Variants in CDKN2B observed in about 807,000 individuals in gnomAD.
CDKN2B encodes cyclin dependent kinase inhibitor 2B, also known as cyclin-dependent kinase 4 inhibitor B.
Under a neutral mutation model 7.7 loss-of-function variants are expected in CDKN2B, and 8 were observed. That is an observed-to-expected ratio of 1.04 (90% CI 0.61 to 1.87). CDKN2B has a LOEUF of 1.87. Among genes scored for constraint, CDKN2B ranks in the 40% most tolerant of loss-of-function variants. CDKN2B has a pLI of 0.00. For synonymous variants in CDKN2B, 93 were observed against 95.8 expected, an observed-to-expected ratio of 0.97 and a Z score of 0.17; for missense variants, 244 against 213.1, an observed-to-expected ratio of 1.15 and a Z score of -0.90.
rs1216273103 is a variant in CDKN2B, at chr9:22,004,230, A to G, written c.*1757T>C. ...CCCCAGTAATATGTTCATTTTGGGA[A>G]TAGGAATTGGTAGAGAAGTAAAGAT... On this transcript the variant is annotated 3_prime_UTR_variant, in exon 2 of 2. Transcript: ENST00000276925. 8.6e-6 allele frequency: 2 copies of G among 232,446 alleles called. No individual in the cohort carries two copies. Among genetic ancestry groups the G allele is most frequent in the Non-Finnish European group, 1.7e-5 (2 of 117,658 alleles). 14.4% of individuals were successfully genotyped at this position (232,446 alleles called of 1,614,324 possible).
At chr9:22,008,381 T>A (rs1213974755) in intron 1 of CDKN2B, among the ~76,000 whole-genome samples, 1 of 152,234 alleles carries the variant, frequency 6.6e-6, no homozygotes, top group Admixed American at 6.5e-5. Context: ...CTTAGAAGTT[T>A]ACATTGATTT....
rs1821350674 is a variant in CDKN2B at position 22,009,018 on chromosome 9, C to T, written c.-65G>A. ...CGTTGGCCGTAAACTTAACGACACT[C>T]TTCCCTTCTTTCCCACGCTGCTCCG... On this transcript the variant is annotated 5_prime_UTR_variant, in exon 1 of 2. Transcript: ENST00000276925. 4 of 1,607,240 alleles carry T rather than the reference C, an allele frequency of 2.5e-6. No individual in the cohort carries two copies. Among genetic ancestry groups the T allele is most frequent in the Non-Finnish European group, 3.4e-6 (4 of 1,174,400 alleles).
rs1325070620 is a variant in CDKN2B at position 22,008,911 on chromosome 9, C to A, written c.43G>T (p.Asp15Tyr). Residue 15 changes from aspartate (D) to tyrosine (Y), a missense_variant, in exon 1 of 2, where the codon GAT becomes TAT. Coordinates refer to ENST00000276925, the MANE Select transcript of CDKN2B (RefSeq NM_004936.4). ...GCCGCGGCGCTGGCCAGACCCTCATCGCTGCCGCCCCCACTGGGCATGCCC... is the reference window on the plus strand; with the variant it reads ...GCCGCGGCGCTGGCCAGACCCTCATAGCTGCCGCCCCCACTGGGCATGCCC... The part of the protein sequence containing the change: ...NKGMPSGGGS[D>Y]EGLASAAARG... 3.1e-6 allele frequency: 5 copies of A among 1,612,850 alleles called. No homozygotes were observed. The highest frequency in any genetic ancestry group is 3.4e-6 in the Non-Finnish European group (4 of 1,179,916).
rs768552154 is a variant in CDKN2B at position 22,008,990 on chromosome 9, C to G, written c.-37G>C. 5 of 1,613,456 alleles carry G rather than the reference C, an allele frequency of 3.1e-6. No individual in the cohort carries two copies. Among genetic ancestry groups the G allele is most frequent in the Non-Finnish European group, 4.2e-6 (5 of 1,179,924 alleles). On this transcript the variant is annotated 5_prime_UTR_variant, in exon 1 of 2. Transcript: ENST00000276925. ...CAGACGCGCAGCGGCCCGGATAATCCACCGTTGGCCGTAAACTTAACGACA... is the reference window on the plus strand; with the variant it reads ...CAGACGCGCAGCGGCCCGGATAATCGACCGTTGGCCGTAAACTTAACGACA...
intron 1 of CDKN2B, among the ~76,000 whole-genome samples, chr9:22,008,346 C>A (rs1821296814): frequency 1.3e-5 from 2 of 152,136 alleles, no homozygotes; most frequent in African/African-American, 4.8e-5. Context: ...TATGAGAAAA[C>A]AATACAACAG....
intron 1 of CDKN2B, among the ~76,000 whole-genome samples, chr9:22,007,568 G>C (rs887470330): frequency 6.6e-6 from 1 of 152,038 alleles, no homozygotes; most frequent in African/African-American, 2.4e-5. Flanking sequence ...CGAGTTATTT[G>C]TTATGGGTTT....
At position 22,009,131 on chromosome 9, in the gene CDKN2B, G is replaced by A. The variant is rs779167538; in HGVS notation, c.-178C>T. ...CGGCTTGGGGCCCCGTGCAGTGGCC[G>A]AGCGGCCGGTCGTTAGCTCCGGGCT... is the stretch of plus-strand genomic sequence containing the variant. On this transcript the variant is annotated 5_prime_UTR_variant, in exon 1 of 2. Coordinates refer to ENST00000276925, the MANE Select transcript of CDKN2B (RefSeq NM_004936.4). The A allele has an allele frequency of 5.1e-5, 43 of 840,668 alleles. No homozygotes were observed. The highest frequency in any genetic ancestry group is 6.2e-5 in the Non-Finnish European group (33 of 529,308). The allele number at this position is 840,668 out of a possible 1,614,324, so 52.1% of individuals were successfully genotyped here.
At chr9:22,008,485 C>G (rs1821305071) in intron 1 of CDKN2B, among the ~76,000 whole-genome samples, 1 of 152,160 alleles carries the variant, frequency 6.6e-6, no homozygotes, top group African/African-American at 2.4e-5. Context: ...AGCAGACAGA[C>G]AAGATAATCT....
chr9:22,005,128 G>GTA lies in CDKN2B; in HGVS notation c.*858_*859insTA. The GTA allele has an allele frequency of 4.3e-6, 1 of 233,160 alleles. No homozygotes were observed. The highest frequency in any genetic ancestry group is 8.5e-6 in the Non-Finnish European group (1 of 118,146). 14.4% of individuals were successfully genotyped at this position (233,160 alleles called of 1,614,324 possible). ...CATCCTAGCATGTGTGTGTGTGTGT[G>GTA]TGTGTGTGTGTGTGAAAGAAAACGT... On this transcript the variant is annotated 3_prime_UTR_variant, in exon 2 of 2. Coordinates refer to ENST00000276925, the MANE Select transcript of CDKN2B (RefSeq NM_004936.4). The surrounding 1 kb of genome is among the most constrained non-coding windows in gnomAD (Gnocchi z 4.9).
chr9:22,008,368 T>C (rs1488142628), intron 1 of CDKN2B, among the ~76,000 whole-genome samples: 1 of 152,354 alleles, frequency 6.6e-6, no homozygotes, highest in Middle Eastern at 3.4e-3. Context: ...TTTCATATAG[T>C]AGCTTAGAAG....
At chr9:22,008,439 T>G (rs1821300985) in intron 1 of CDKN2B, among the ~76,000 whole-genome samples, 1 of 152,220 alleles carries the variant, frequency 6.6e-6, no homozygotes, top group African/African-American at 2.4e-5. Context: ...CAATCTAGAA[T>G]GCGTAACTTA....
At chr9:22,007,853 T>TA (rs1210640418) in intron 1 of CDKN2B, among the ~76,000 whole-genome samples, 3 of 152,170 alleles carry the variant, frequency 2.0e-5, no homozygotes, top group Non-Finnish European at 2.9e-5. Flanking sequence ...TTTGCTCCTT[T>TA]AAAAATCCCT....
At chr9:22,008,540 AG>A in intron 1 of CDKN2B, 1 of 857,700 alleles carries the variant, frequency 1.2e-6, no homozygotes, top group Non-Finnish European at 1.7e-6. Flanking sequence ...TCCCCAATTC[AG>A]TCTATTCCTT....
rs373722871 is a variant in CDKN2B at position 22,008,972 on chromosome 9, G to C, written c.-19C>G. ...CGCGCATTCCGCAGCCCCCAGACGC[G>C]CAGCGGCCCGGATAATCCACCGTTG... On this transcript the variant is annotated 5_prime_UTR_variant, in exon 1 of 2. Coordinates refer to ENST00000276925, the MANE Select transcript of CDKN2B (RefSeq NM_004936.4). 1 of 1,613,160 alleles carries C rather than the reference G, an allele frequency of 6.2e-7. No individual in the cohort carries two copies. Among genetic ancestry groups the C allele is most frequent in the Admixed American group, 1.7e-5 (1 of 60,026 alleles).
Position 22,003,127 on chromosome 9 carries a change from A to G in CDKN2B, c.*2860T>C, listed in dbSNP as rs1028008784. On this transcript the variant is annotated 3_prime_UTR_variant, in exon 2 of 2. Coordinates refer to ENST00000276925, the MANE Select transcript of CDKN2B (RefSeq NM_004936.4). ...AAGTGAAATCCTTAACAAATTTAAC[A>G]GTATATATTAGGCTGCTGATGAAAC... is the stretch of plus-strand genomic sequence containing the variant. 5 of 215,750 alleles carry G rather than the reference A, an allele frequency of 2.3e-5. No individual in the cohort carries two copies. The highest frequency in any genetic ancestry group is 5.8e-5 in the Admixed American group (1 of 17,176). The allele number at this position is 215,750 out of a possible 1,614,324, so 13.4% of individuals were successfully genotyped here. A position where few individuals can be genotyped will look rare whatever the true frequency, so the allele number is the denominator to read the frequency against.
Position 22,003,368 on chromosome 9 carries a change from G to A in CDKN2B, c.*2619C>T, listed in dbSNP as rs1063192. On this transcript the variant is annotated 3_prime_UTR_variant, in exon 2 of 2. Transcript: ENST00000276925. ...TTTTCTTTAGTTTCCCTTAATATCAGGTTGTCATTAGGAAAGATTCCACAA... is the reference window on the plus strand; with the variant it reads ...TTTTCTTTAGTTTCCCTTAATATCAAGTTGTCATTAGGAAAGATTCCACAA... 0.69 allele frequency: 154,422 copies of A among 223,992 alleles called. 55,584 individuals are homozygous for A. The highest frequency in any genetic ancestry group is 0.92 in the African/African-American group (41,612 of 45,006). The allele number at this position is 223,992 out of a possible 1,614,324, so 13.9% of individuals were successfully genotyped here. A position where few individuals can be genotyped will look rare whatever the true frequency, so the allele number is the denominator to read the frequency against.
rs1184385166 is a variant in CDKN2B at position 22,009,244 on chromosome 9, T to C, written c.-291A>G. On this transcript the variant is annotated 5_prime_UTR_variant, in exon 1 of 2. Coordinates refer to ENST00000276925, the MANE Select transcript of CDKN2B (RefSeq NM_004936.4). Reference sequence around the variant, plus strand: ...CGGACGCAGCCGAGCTCAAAGCCGCTCTGGCCGCAGGGTGCGGACGCGTCG... The same window carrying C: ...CGGACGCAGCCGAGCTCAAAGCCGCCCTGGCCGCAGGGTGCGGACGCGTCG... 4 of 557,042 alleles carry C rather than the reference T, an allele frequency of 7.2e-6. No homozygotes were observed. Among genetic ancestry groups the C allele is most frequent in the Non-Finnish European group, 3.2e-6 (1 of 310,014 alleles). 34.5% of individuals were successfully genotyped at this position (557,042 alleles called of 1,614,324 possible).
At position 22,006,379 on chromosome 9, in the gene CDKN2B, G is replaced by C. The variant is rs977006315; in HGVS notation, c.157-132C>G. On this transcript the variant is annotated intron_variant, in intron 1 of 1. Transcript: ENST00000276925. This position sits in a 1 kb window ranked among gnomAD's most constrained non-coding sequence, Gnocchi z 6.4. ...TTTTCACCCAGTGCAGAGGTGTTCA[G>C]GTCTCTGATGTCTGGTGTTTCTTCA... 1.2e-5 allele frequency: 15 copies of C among 1,218,288 alleles called. No homozygotes were observed. In the African/African-American group the frequency reaches 1.9e-4, roughly 16 times the overall value. The allele number at this position is 1,218,288 out of a possible 1,614,324, so 75.5% of individuals were successfully genotyped here.
In CDKN2B at chr9:22,006,911, A is replaced by G. The variant is rs906893820; in HGVS notation, c.157-664T>C. Among the ~76,000 whole-genome samples the G allele has an allele frequency of 1.3e-5, 2 of 152,170 alleles. No individual in the cohort carries two copies. Among genetic ancestry groups the G allele is most frequent in the African/African-American group, 2.4e-5 (1 of 41,448 alleles). ...TAAATTAAATCATGCAAAATCTTAT[A>G]AAATTATAATAAATGATTTTTCCTT... On this transcript the variant is annotated intron_variant, in intron 1 of 1. Coordinates refer to ENST00000276925, the MANE Select transcript of CDKN2B (RefSeq NM_004936.4). The surrounding 1 kb of genome is among the most constrained non-coding windows in gnomAD (Gnocchi z 6.4).
Sources: gnomAD v4.1 joint callset for allele counts (sites outside exome capture counted in the v4.1 genomes callset) on GRCh38, gnomAD v4.1.1 for gene constraint, Gnocchi (gnomAD v3.1) non-coding constraint, MANE v1.5 for transcripts, NCBI Gene and HGNC (gene_info 2026-07-23, HGNC 2026-07-21) for gene names.